The following CCDC3 variants were observed in gnomAD, a reference collection of about 807,000 sequenced individuals.
CCDC3 encodes the protein coiled-coil domain containing 3.
CCDC3 carries 24 observed loss-of-function variants against 21.4 expected under a neutral mutation model. That is an observed-to-expected ratio of 1.12 (90% confidence interval 0.81 to 1.58). The LOEUF is 1.58. Ranked by LOEUF, CCDC3 falls within the 40% of genes most tolerant of loss-of-function variation. The pLI is 0.00. For missense variants in CCDC3, 425 were observed against 360.9 expected (o/e 1.18, Z -1.44); for synonymous variants, 186 against 166.0 (o/e 1.12, Z -0.93).
At chr10:12,910,194 C>T (rs1187089874) in intron 2 of CCDC3, among the ~76,000 whole-genome samples, 1 of 152,146 alleles carries the variant, frequency 6.6e-6, no homozygotes, top group African/African-American at 2.4e-5. Context: ...TTGAGATAGC[C>T]CTAGAGCTGA....
chr10:13,094,460 T>G (rs983687043), intron 3 of CCDC3, among the ~76,000 whole-genome samples: 1 of 151,998 alleles, frequency 6.6e-6, no homozygotes, highest in African/African-American at 2.4e-5. Context: ...TTTCACCATG[T>G]TGACCAGGAT....
chr10:13,017,936 T>C (rs1210224351), intron 5 of CCDC3, among the ~76,000 whole-genome samples: 1 of 152,044 alleles, frequency 6.6e-6, no homozygotes, highest in Non-Finnish European at 1.5e-5. Flanking sequence ...TAAATGTCCA[T>C]GTAACTAACC....
chr10:13,001,344 G>A lies in CCDC3; in HGVS notation c.227C>T (p.Ser76Leu), dbSNP rs1024168999. The A allele has an allele frequency of 1.9e-6, 3 of 1,602,812 alleles. No individual in the cohort carries two copies. Among genetic ancestry groups the A allele is most frequent in the Non-Finnish European group, 2.6e-6 (3 of 1,176,050 alleles). Residue 76 changes from serine (S) to leucine (L), a missense_variant, in exon 1 of 3, where the codon TCG becomes TTG. Coordinates refer to ENST00000378825, the MANE Select transcript of CCDC3 (RefSeq NM_031455.4). ...GTCGCACAGCATCTCGACCTCGGCC[G>A]AGTAGAAGAGGCCCCCCTGGCCGGC... is the stretch of plus-strand genomic sequence containing the variant. ...YHAGQGGLFY[S>L]AEVEMLCDQA...
At chr10:13,095,796 C>T (rs1314073684) in intron 3 of CCDC3, among the ~76,000 whole-genome samples, 1 of 152,180 alleles carries the variant, frequency 6.6e-6, no homozygotes, top group East Asian at 1.9e-4. Context: ...AAATTCACCC[C>T]ATTTGTAAAT....
At chr10:12,917,353 C>A (rs1834376407) in intron 2 of CCDC3, among the ~76,000 whole-genome samples, 1 of 151,814 alleles carries the variant, frequency 6.6e-6, no homozygotes, top group Non-Finnish European at 1.5e-5. Context: ...GCCACCATAC[C>A]CGGCTAATTT....
intron 3 of CCDC3, among the ~76,000 whole-genome samples, chr10:13,077,776 T>G (rs186556353): frequency 2.8e-4 from 43 of 152,342 alleles, no homozygotes; most frequent in African/African-American, 9.9e-4. Context: ...CCCTATTTAA[T>G]AAATGGTGCT....
chr10:13,009,971 G>A (rs1358182334), intron 5 of CCDC3, among the ~76,000 whole-genome samples: 1 of 152,194 alleles, frequency 6.6e-6, no homozygotes, highest in Non-Finnish European at 1.5e-5. Context: ...GATATAGCTG[G>A]GTGCACTGGC....
chr10:12,925,379 GTCCTTTGTGGGCCA>G (rs374662086), intron 2 of CCDC3, among the ~76,000 whole-genome samples: 7,818 of 152,194 alleles, frequency 0.051, 312 homozygotes, highest in African/African-American at 0.11. Flanking sequence ...CCTCTTTAAA[GTCCTTTGTGGGCCA>G]TTAATTTCAA....
intron 5 of CCDC3, among the ~76,000 whole-genome samples, chr10:13,043,976 G>A (rs1056212437): frequency 6.6e-6 from 1 of 152,034 alleles, no homozygotes; most frequent in African/African-American, 2.4e-5. Context: ...CTCATCAACA[G>A]TAAATAAGCA....
intron 4 of CCDC3, among the ~76,000 whole-genome samples, chr10:13,061,605 T>C (rs1176892522): frequency 6.6e-6 from 1 of 152,156 alleles, no homozygotes; most frequent in Non-Finnish European, 1.5e-5. Flanking sequence ...GAGACATCAA[T>C]CAAATACATT....
upstream of CCDC3, among the ~76,000 whole-genome samples, chr10:13,003,555 A>G (rs1023383354): frequency 6.6e-6 from 1 of 152,236 alleles, no homozygotes; most frequent in African/African-American, 2.4e-5. Context: ...AGAGTCACCA[A>G]TGATGGCTCA....
At chr10:13,062,515 G>A (rs2782292) in intron 4 of CCDC3, among the ~76,000 whole-genome samples, 112,195 of 152,090 alleles carry the variant, frequency 0.74, 41,511 homozygotes, top group Admixed American at 0.79. Context: ...TATAAGGGAT[G>A]ATATTGAAAC....
chr10:12,931,237 A>C (rs137857081), intron 2 of CCDC3, among the ~76,000 whole-genome samples: 1,501 of 143,984 alleles, frequency 0.01, 34 homozygotes, highest in African/African-American at 0.036. Flanking sequence ...AAAAAAAATT[A>C]AAGCTCTGAC....
chr10:12,986,273 G>A (rs1229296747), intron 2 of CCDC3, among the ~76,000 whole-genome samples: 1 of 152,148 alleles, frequency 6.6e-6, no homozygotes, highest in Non-Finnish European at 1.5e-5. Context: ...ACAAATGAGT[G>A]CCTGTGTAAT....
intron 2 of CCDC3, among the ~76,000 whole-genome samples, chr10:12,916,306 C>A (rs1030998606): frequency 1.3e-5 from 2 of 152,052 alleles, no homozygotes; most frequent in Admixed American, 1.3e-4. Context: ...GTGGTGCATG[C>A]CTGTAATCCC....
At chr10:12,930,898 A>G (rs981137453) in intron 2 of CCDC3, among the ~76,000 whole-genome samples, 2 of 152,056 alleles carry the variant, frequency 1.3e-5, no homozygotes, top group East Asian at 3.9e-4. Context: ...TCCAAACTTC[A>G]CTTTTCACAG....
intron 2 of CCDC3, among the ~76,000 whole-genome samples, chr10:12,931,243 C>T (rs1834636836): frequency 6.7e-6 from 1 of 148,568 alleles, no homozygotes. Flanking sequence ...AATTAAAGCT[C>T]TGACAAGTCT....
chr10:13,085,651 T>C (rs1484422634), intron 3 of CCDC3, among the ~76,000 whole-genome samples: 1 of 152,122 alleles, frequency 6.6e-6, no homozygotes, highest in African/African-American at 2.4e-5. Flanking sequence ...CTTTCAAATA[T>C]TCCATAAAAC....
chr10:12,969,277 A>G (rs1835305706), intron 2 of CCDC3, among the ~76,000 whole-genome samples: 2 of 152,198 alleles, frequency 1.3e-5, no homozygotes, highest in African/African-American at 4.8e-5. Context: ...ACCTGTTAGA[A>G]TGACTATAAT....
Sources: gnomAD v4.1 joint callset for allele counts (sites outside exome capture counted in the v4.1 genomes callset) on GRCh38, gnomAD v4.1.1 for gene constraint, MANE v1.5 for transcripts, NCBI Gene and HGNC (gene_info 2026-07-23, HGNC 2026-07-21) for gene names.